Variants in AGBL1 observed in about 807,000 individuals in gnomAD.
AGBL1 encodes cytosolic carboxypeptidase 4.
Under a neutral mutation model 118.9 loss-of-function variants are expected in AGBL1, and 130 were observed. The observed-to-expected ratio is 1.09, with a 90% CI of 0.95 to 1.26. AGBL1 has a LOEUF of 1.26. Ranked by LOEUF, AGBL1 falls within the 50% of genes most tolerant of loss-of-function variation. AGBL1 has a pLI of 0.00. For missense variants in AGBL1, 1,584 were observed against 1,298.1 expected, an observed-to-expected ratio of 1.22 and a Z score of -3.38; for synonymous variants, 555 against 478.9, an observed-to-expected ratio of 1.16 and a Z score of -2.08.
At chr15:86,997,793 T>A (rs2081393464) in intron 24 of AGBL1, among the ~76,000 whole-genome samples, 1 of 151,878 alleles carries the variant, frequency 6.6e-6, no homozygotes, top group Non-Finnish European at 1.5e-5. Context: ...GAAAACCTAA[T>A]ATAAACACCT....
chr15:86,649,131 G>A (rs1301620800), intron 21 of AGBL1, among the ~76,000 whole-genome samples: 1 of 152,130 alleles, frequency 6.6e-6, no homozygotes, highest in Non-Finnish European at 1.5e-5. Context: ...CTATGAGGAT[G>A]AGGAAATAGG....
At chr15:86,263,564 A>G (rs2079027269) in intron 10 of AGBL1, among the ~76,000 whole-genome samples, 1 of 152,218 alleles carries the variant, frequency 6.6e-6, no homozygotes, top group African/African-American at 2.4e-5. Flanking sequence ...TGATGATTTA[A>G]TTGTTCTCAT....
chr15:86,916,668 T>G (rs987328530), downstream of AGBL1, among the ~76,000 whole-genome samples: 3 of 152,190 alleles, frequency 2.0e-5, no homozygotes, highest in Admixed American at 2.0e-4. Flanking sequence ...CCTCTGGGTC[T>G]CAGTTTCTCC....
At chr15:86,643,669 T>A (rs540096105) in intron 21 of AGBL1, among the ~76,000 whole-genome samples, 10 of 152,304 alleles carry the variant, frequency 6.6e-5, no homozygotes, top group East Asian at 5.8e-4. Flanking sequence ...TGACATTTTT[T>A]AAATACATTA....
At chr15:86,319,815 G>T (rs12916727) in intron 17 of AGBL1, among the ~76,000 whole-genome samples, 13,722 of 121,732 alleles carry the variant, frequency 0.11, 867 homozygotes, top group Middle Eastern at 0.22. Context: ...TGAATGCAAT[G>T]GCACGATCTT....
rs2080034441 is a variant in AGBL1 at position 86,317,561 on chromosome 15, A to G, written c.2374+22153A>G. 3.3e-5 allele frequency among the ~76,000 whole-genome samples: 5 copies of G among 152,334 alleles called. No individual in the cohort carries two copies. The South Asian group carries it at 8.3e-4, about 25-fold the overall frequency. On this transcript the variant is annotated intron_variant, in intron 17 of 22. Transcript: ENST00000614907. ...TGAACACCATGCACAATGAGGAAAT[A>G]AAACTTTGAGAGGCGAAAGAATTTG...
At chr15:86,158,370 G>C (rs1025693435) in intron 4 of AGBL1, among the ~76,000 whole-genome samples, 3 of 152,046 alleles carry the variant, frequency 2.0e-5, no homozygotes, top group African/African-American at 4.8e-5. Flanking sequence ...TCAGATCAAG[G>C]CTAGCCTAAA....
intron 22 of AGBL1, among the ~76,000 whole-genome samples, chr15:86,776,477 G>A (rs1596471156): frequency 6.6e-6 from 1 of 151,812 alleles, no homozygotes; most frequent in Admixed American, 6.6e-5. Context: ...AATATGCTTT[G>A]TCCATTTTTT....
In AGBL1 at chr15:86,923,057, G is replaced by A. The variant is rs78634063; in HGVS notation, c.3222-64930G>A. Among the ~76,000 whole-genome samples the A allele has an allele frequency of 1.4e-3, 207 of 152,274 alleles. 1 individual carries two copies. Among genetic ancestry groups the A allele is most frequent in the African/African-American group, 4.7e-3 (196 of 41,522 alleles). The stretch of plus-strand genomic sequence containing the variant: ...GCAGCAAGAAGGAGTCCAGGTATCC[G>A]GCCCGAGGGATGGTGGTGGCAGGGA... On this transcript the variant is annotated intron_variant, in intron 23 of 24. Transcript: ENST00000441037.
chr15:86,622,962 G>T (rs890472652), intron 21 of AGBL1, among the ~76,000 whole-genome samples: 3 of 152,294 alleles, frequency 2.0e-5, no homozygotes, highest in African/African-American at 7.2e-5. Flanking sequence ...AAAGGAGCAT[G>T]CAGTGCAGCC....
chr15:86,536,225 A>C (rs1177089555), intron 19 of AGBL1, among the ~76,000 whole-genome samples: 1 of 152,226 alleles, frequency 6.6e-6, no homozygotes, highest in Admixed American at 6.5e-5. Context: ...ATTTTAGTGA[A>C]AAGCAAAGGG....
intron 4 of AGBL1, among the ~76,000 whole-genome samples, chr15:86,158,210 C>T (rs1357357914): frequency 6.6e-6 from 1 of 151,826 alleles, no homozygotes; most frequent in East Asian, 1.9e-4. Context: ...AGACATCAGC[C>T]TCAGTCTCTA....
Position 86,608,234 on chromosome 15 carries a change from A to G in AGBL1, c.2994+53697A>G, listed in dbSNP as rs144577055. Among the ~76,000 whole-genome samples the G allele has an allele frequency of 1.5e-3, 231 of 152,244 alleles. 1 individual carries two copies. The South Asian group carries it at 0.018, about 12-fold the overall frequency. ...GGAGAGAAACACCAGAAATATCACTACAAGGTTTTGGTCACAAACTACAAT... is the reference window on the plus strand; with the variant it reads ...GGAGAGAAACACCAGAAATATCACTGCAAGGTTTTGGTCACAAACTACAAT... On this transcript the variant is annotated intron_variant, in intron 21 of 22. Coordinates refer to ENST00000614907, the MANE Select transcript of AGBL1 (RefSeq NM_001386094.1).
chr15:86,738,724 T>C (rs550375884), intron 22 of AGBL1, among the ~76,000 whole-genome samples: 3 of 152,254 alleles, frequency 2.0e-5, no homozygotes, highest in African/African-American at 7.2e-5. Context: ...ACAAGAAACA[T>C]AAATATCTCT....
chr15:86,579,914 A>G (rs978356772), intron 21 of AGBL1, among the ~76,000 whole-genome samples: 1 of 152,080 alleles, frequency 6.6e-6, no homozygotes, highest in East Asian at 1.9e-4. Flanking sequence ...TCTGGACTGT[A>G]TTTGATACTG....
At chr15:87,018,883 C>T (rs1012440592) in intron 24 of AGBL1, among the ~76,000 whole-genome samples, 1 of 152,052 alleles carries the variant, frequency 6.6e-6, no homozygotes, top group Non-Finnish European at 1.5e-5. Context: ...AGATATTCAT[C>T]TCACATGCAA....
In AGBL1 at chr15:86,909,911, A is replaced by G. The variant is rs542583731; in HGVS notation, c.*2617A>G. Reference sequence around the variant, plus strand: ...TTATGTGGCATGTTCAGAAAAAGCCAGGAACATGAAGTATTTGTTGATCCA... The same window carrying G: ...TTATGTGGCATGTTCAGAAAAAGCCGGGAACATGAAGTATTTGTTGATCCA... On this transcript the variant is annotated 3_prime_UTR_variant, in exon 23 of 23. Coordinates refer to ENST00000614907, the MANE Select transcript of AGBL1 (RefSeq NM_001386094.1). The G allele has an allele frequency of 2.0e-5, 3 of 152,382 alleles. No homozygotes were observed. Among genetic ancestry groups the G allele is most frequent in the African/African-American group, 7.2e-5 (3 of 41,600 alleles). 9.4% of individuals were successfully genotyped at this position (152,382 alleles called of 1,614,324 possible).
At chr15:86,441,216 A>G (rs1596118940) in intron 18 of AGBL1, among the ~76,000 whole-genome samples, 1 of 152,212 alleles carries the variant, frequency 6.6e-6, no homozygotes, top group East Asian at 1.9e-4. Flanking sequence ...TTATTCTTAT[A>G]GTAAATTTGG....
At chr15:86,543,828 T>C (rs2083538689) in intron 19 of AGBL1, among the ~76,000 whole-genome samples, 1 of 152,218 alleles carries the variant, frequency 6.6e-6, no homozygotes, top group African/African-American at 2.4e-5. Context: ...CTTATTCATC[T>C]CCTTTGAAAC....
Sources: gnomAD v4.1 joint callset for allele counts (sites outside exome capture counted in the v4.1 genomes callset) on GRCh38, gnomAD v4.1.1 for gene constraint, MANE v1.5 for transcripts, NCBI Gene and HGNC (gene_info 2026-07-23, HGNC 2026-07-21) for gene names.